Variants in SPEG observed in about 807,000 individuals in gnomAD.
SPEG encodes the protein striated muscle enriched protein kinase.
A neutral mutation model predicts 300.4 loss-of-function variants in SPEG; 114 were observed. The observed-to-expected ratio is 0.38, with a 90% CI of 0.33 to 0.44. The LOEUF (loss-of-function observed/expected upper bound fraction) is 0.44. SPEG is among the 20% of genes least tolerant of loss of function. SPEG has a pLI of 1.00. For synonymous variants in SPEG, 1,964 were observed against 2,018.9 expected (o/e 0.97, Z 0.73); for missense variants, 4,201 against 4,586.2 (o/e 0.92, Z 2.43).
chr2:219,465,340 T>G (rs1229023673), intron 9 of SPEG: 3 of 153,254 alleles, frequency 2.0e-5, no homozygotes, highest in Non-Finnish European at 4.4e-5. Context: ...CGCTTCTCAC[T>G]CAGCCCCCAG....
chr2:219,464,333 G>A lies in SPEG; in HGVS notation c.2706-100G>A, dbSNP rs1374085113. ...GACAGATCTGGGGACTGGGCAAACT[G>A]CACAGGGAAGGAGAGGCCTGCACAG... On this transcript the variant is annotated intron_variant, in intron 8 of 40. Coordinates refer to ENST00000312358, the MANE Select transcript of SPEG (RefSeq NM_005876.5). This position sits in a 1 kb window ranked among gnomAD's most constrained non-coding sequence, Gnocchi z 4.5. 3.8e-6 allele frequency: 5 copies of A among 1,302,742 alleles called. No individual in the cohort carries two copies. In the African/African-American group the frequency reaches 5.9e-5, roughly 15 times the overall value. 80.7% of individuals were successfully genotyped at this position (1,302,742 alleles called of 1,614,324 possible).
At position 219,491,815 on chromosome 2, in the gene SPEG, A is replaced by C; in HGVS notation, c.9407A>C (p.Glu3136Ala). The C allele has an allele frequency of 1.9e-6, 3 of 1,613,030 alleles. No homozygotes were observed. The highest frequency in any genetic ancestry group is 2.5e-6 in the Non-Finnish European group (3 of 1,179,732). ...EFMAPEMVKG[E>A]PIGSATDIWG... ...TCAGCTCCGGAGATGGTGAAGGGAG[A>C]ACCCATCGGCTCTGCCACGGACATC... Residue 3136 changes from glutamate to alanine, a missense_variant, in exon 39 of 41, where the codon GAA (glutamate) becomes GCA (alanine). By Grantham distance (107) the Glu-to-Ala change is moderately radical (BLOSUM62 -1). Coordinates refer to ENST00000312358, the MANE Select transcript of SPEG (RefSeq NM_005876.5).
rs372148131 is a variant in SPEG, at chr2:219,492,661, C to T, written c.9679C>T (p.Arg3227Cys). 7.1e-5 allele frequency: 115 copies of T among 1,610,806 alleles called. No individual in the cohort carries two copies. Among genetic ancestry groups the T allele is most frequent in the Admixed American group, 1.3e-4 (8 of 60,002 alleles). Residue 3227 changes from arginine to cysteine, a missense_variant, in exon 41 of 41, where the codon CGC becomes TGC. Physicochemically the swap from Arg to Cys is radical, Grantham distance 180. Coordinates refer to ENST00000312358, the MANE Select transcript of SPEG (RefSeq NM_005876.5). ...WLQDAYLMKL[R>C]RQTLTFTTNR... is the part of the protein sequence containing the mutation. ...GCAGGACGCCTACCTGATGAAGCTGCGCCGCCAGACGCTCACCTTCACCAC... is the reference window on the plus strand; with the variant it reads ...GCAGGACGCCTACCTGATGAAGCTGTGCCGCCAGACGCTCACCTTCACCAC...
rs1331767302 is a variant in SPEG at position 219,489,465 on chromosome 2, C to T, written c.8447C>T (p.Ser2816Leu). The change falls in exon 36 of 41, where the codon TCA becomes TTA. Residue 2816 changes from serine (S) to leucine (L), a missense_variant. Physicochemically the swap from Ser to Leu is moderately radical, Grantham distance 145 (BLOSUM62 -2). Transcript: ENST00000312358. ...PLAPAAPTPP[S>L]VTVSPSSPPT... ...GCTCCTGCTGCCCCCACACCCCCGT[C>T]AGTCACTGTCAGCCCCTCATCTCCC... 1.9e-6 allele frequency: 3 copies of T among 1,609,412 alleles called. No individual in the cohort carries two copies. Among genetic ancestry groups the T allele is most frequent in the Middle Eastern group, 1.7e-4 (1 of 6,048 alleles).
Position 219,485,494 on chromosome 2 carries a change from T to G in SPEG, c.7741+17T>G. ...GTGAGTCAGGTAATAAGAGGCCTGC[T>G]GGGTGAGGACCCTCCTCCCCTCCTG... On this transcript the variant is annotated intron_variant, in intron 31 of 40. Transcript: ENST00000312358. The G allele has an allele frequency of 6.5e-7, 1 of 1,541,776 alleles. No homozygotes were observed. The highest frequency in any genetic ancestry group is 8.8e-7 in the Non-Finnish European group (1 of 1,141,920).
At position 219,489,367 on chromosome 2, in the gene SPEG, A is replaced by C. The variant is rs1559432183; in HGVS notation, c.8349A>C (p.Gln2783His). The C allele has an allele frequency of 6.2e-7, 1 of 1,613,470 alleles. No individual in the cohort carries two copies. The highest frequency in any genetic ancestry group is 2.2e-5 in the East Asian group (1 of 44,862). The change falls in exon 36 of 41, where the codon CAA (glutamine) becomes CAC (histidine). Residue 2783 changes from glutamine to histidine, a missense_variant. Gln to His is a conservative substitution (Grantham distance 24). Coordinates refer to ENST00000312358, the MANE Select transcript of SPEG (RefSeq NM_005876.5). ...CAGCTGTGCCATCTGCTGCCCACCA[A>C]GAGGCCCCTGTCACCTCAAGGCCAG... ...DSSAVPSAAH[Q>H]EAPVTSRPAR... is the part of the protein sequence containing the mutation.
rs1436062787 is a variant in SPEG at position 219,479,329 on chromosome 2, C to T, written c.5085+128C>T. 5 of 731,946 alleles carry T rather than the reference C, an allele frequency of 6.8e-6. No individual in the cohort carries two copies. 45.3% of individuals were successfully genotyped at this position (731,946 alleles called of 1,614,324 possible). On this transcript the variant is annotated intron_variant, in intron 23 of 40. Coordinates refer to ENST00000312358, the MANE Select transcript of SPEG (RefSeq NM_005876.5). The surrounding 1 kb of genome is among the most constrained non-coding windows in gnomAD (Gnocchi z 5.5). ...GGAAGCCAGGGGTGGAGGTGGAGAG[C>T]ACTGTTAGGTAGGCAGCAGAGTCCC...
At chr2:219,449,903 T>C (rs1263732999) in intron 4 of SPEG, among the ~76,000 whole-genome samples, 1 of 152,056 alleles carries the variant, frequency 6.6e-6, no homozygotes, top group Non-Finnish European at 1.5e-5. Context: ...AACCTTCCCA[T>C]GGATGATGAC....
intron 22 of SPEG, among the ~76,000 whole-genome samples, chr2:219,478,867 A>G (rs1312341912): frequency 1.3e-5 from 2 of 152,190 alleles, no homozygotes; most frequent in African/African-American, 2.4e-5. Context: ...TGTTATTCCC[A>G]TATTACTCCT....
At position 219,479,979 on chromosome 2, in the gene SPEG, G is replaced by A; in HGVS notation, c.5181G>A (p.Val1727=). ...HLDVKPENLL[V]WDGAAGEQQV... ...TCTTCCAGCCTGAGAACCTGCTGGT[G>A]TGGGATGGTGCTGCGGGCGAGCAGC... Residue 1727 remains valine (V), a synonymous_variant, in exon 25 of 41, where the codon GTG becomes GTA. Coordinates refer to ENST00000312358, the MANE Select transcript of SPEG (RefSeq NM_005876.5). This position sits in a 1 kb window ranked among gnomAD's most constrained non-coding sequence, Gnocchi z 5.5. 6.2e-7 allele frequency: 1 copy of A among 1,614,236 alleles called. No individual in the cohort carries two copies. The highest frequency in any genetic ancestry group is 8.5e-7 in the Non-Finnish European group (1 of 1,180,044).
chr2:219,492,314 C>T, intron 40 of SPEG, 54 bp downstream of exon 40: 1 of 1,569,806 alleles, frequency 6.4e-7, no homozygotes. Flanking sequence ...CTGGCCTGGC[C>T]TGTGCCAGAG....
rs1275201610 is a variant in SPEG at position 219,464,206 on chromosome 2, G to T, written c.2706-227G>T. ...AGCAGGGTTCCGAGAAGGGAGAGCTGCAGGCAGTTAGAAGTGACCTGGAAG... is the reference window on the plus strand; with the variant it reads ...AGCAGGGTTCCGAGAAGGGAGAGCTTCAGGCAGTTAGAAGTGACCTGGAAG... On this transcript the variant is annotated intron_variant, in intron 8 of 40. Coordinates refer to ENST00000312358, the MANE Select transcript of SPEG (RefSeq NM_005876.5). The surrounding 1 kb of genome is among the most constrained non-coding windows in gnomAD (Gnocchi z 4.5). Among the ~76,000 whole-genome samples the T allele has an allele frequency of 6.6e-6, 1 of 152,044 alleles. No homozygotes were observed. The highest frequency in any genetic ancestry group is 2.4e-5 in the African/African-American group (1 of 41,380).
chr2:219,460,356 C>G, intron 6 of SPEG: 1 of 985,406 alleles, frequency 1.0e-6, no homozygotes, highest in Non-Finnish European at 1.2e-6. Flanking sequence ...GGCTCGTTAG[C>G]GCATTCCCCG....
rs2125283454 is a variant in SPEG, at chr2:219,448,619, C to G, written c.1461C>G (p.Ala487=). Residue 487 remains alanine (A), a synonymous_variant, in exon 4 of 41, where the codon GCC becomes GCG. Transcript: ENST00000312358. ...LDERTRQRSP[A]SDLELRFAQE... ...AGCGCACGCGTCAGCGCAGCCCGGC[C>G]TCAGACCTCGAGCTGCGCTTCGCCC... 1 of 1,479,508 alleles carries G rather than the reference C, an allele frequency of 6.8e-7. No individual in the cohort carries two copies. Among genetic ancestry groups the G allele is most frequent in the Non-Finnish European group, 8.9e-7 (1 of 1,122,916 alleles). The allele number at this position is 1,479,508 out of a possible 1,614,324, so 91.6% of individuals were successfully genotyped here.
At chr2:219,486,367 C>G (rs953847814) in intron 31 of SPEG, among the ~76,000 whole-genome samples, 1 of 152,224 alleles carries the variant, frequency 6.6e-6, no homozygotes, top group Non-Finnish European at 1.5e-5. Context: ...GCCACCAGTC[C>G]TGTTCTTCCC....
chr2:219,443,299 C>A lies in SPEG; in HGVS notation c.389-1354C>A. On this transcript the variant is annotated intron_variant, in intron 1 of 40. Transcript: ENST00000312358. This position sits in a 1 kb window ranked among gnomAD's most constrained non-coding sequence, Gnocchi z 4.6. Reference sequence around the variant, plus strand: ...CCACACTTATCTACCACCCACCCGACCAGGCCCCCTGTGCCCTACAGCTGA... The same window carrying A: ...CCACACTTATCTACCACCCACCCGAACAGGCCCCCTGTGCCCTACAGCTGA... 1 of 846,124 alleles carries A rather than the reference C, an allele frequency of 1.2e-6. No homozygotes were observed. Among genetic ancestry groups the A allele is most frequent in the Admixed American group, 1.8e-5 (1 of 56,436 alleles). 52.4% of individuals were successfully genotyped at this position (846,124 alleles called of 1,614,324 possible).
intron 4 of SPEG, 166 bp from the exon 5 acceptor site, chr2:219,450,970 C>G: frequency 1.5e-6 from 1 of 680,026 alleles, no homozygotes; most frequent in Non-Finnish European, 2.4e-6. Flanking sequence ...CCTTTTTTCC[C>G]TAAGGACATT....
rs1310003340 is a variant in SPEG, at chr2:219,458,094, G to A, written c.2441-3788G>A. ...CTCCTGAGGACATGACCATGTCTTT[G>A]CCACTCCTTAGCACTGGCAGCTGTG... On this transcript the variant is annotated intron_variant, in intron 6 of 40. Coordinates refer to ENST00000312358, the MANE Select transcript of SPEG (RefSeq NM_005876.5). The surrounding 1 kb of genome is among the most constrained non-coding windows in gnomAD (Gnocchi z 4.2). 5.9e-5 allele frequency among the ~76,000 whole-genome samples: 9 copies of A among 152,224 alleles called. No individual in the cohort carries two copies. The East Asian group carries it at 1.7e-3, about 30-fold the overall frequency.
chr2:219,466,565 A>G (rs944676834), intron 9 of SPEG: 13 of 1,034,464 alleles, frequency 1.3e-5, no homozygotes, highest in Middle Eastern at 4.6e-4. Flanking sequence ...AAGGGTTAGG[A>G]CACTGACCAT....
Sources: allele counts gnomAD v4.1 joint callset (sites outside exome capture counted in the v4.1 genomes callset), GRCh38; gene constraint gnomAD v4.1.1; non-coding constraint Gnocchi (gnomAD v3.1); transcripts MANE v1.5; gene names NCBI Gene and HGNC (gene_info 2026-07-23, HGNC 2026-07-21).